CAMK2D: variants seen among roughly 807,000 people sequenced by gnomAD.
The protein encoded by CAMK2D is calcium/calmodulin-dependent protein kinase type II subunit delta.
CAMK2D carries 37 observed loss-of-function variants against 84.0 expected under a neutral mutation model. That is an observed-to-expected ratio of 0.44 (90% CI 0.34 to 0.58). The LOEUF is 0.58. CAMK2D is among the 20% of genes least tolerant of loss of function. The pLI is 0.02. For missense variants in CAMK2D, 448 were observed against 652.5 expected (o/e 0.69, Z 3.41); for synonymous variants, 202 against 212.5 (o/e 0.95, Z 0.43).
chr4:113,577,929 T>C (rs1020560632), intron 4 of CAMK2D, among the ~76,000 whole-genome samples: 25 of 152,260 alleles, frequency 1.6e-4, no homozygotes, highest in African/African-American at 5.5e-4. Context: ...ATCATATGCT[T>C]TTCCACCACT....
chr4:113,718,468 T>C (rs2099520240), intron 2 of CAMK2D, among the ~76,000 whole-genome samples: 1 of 152,104 alleles, frequency 6.6e-6, no homozygotes, highest in Admixed American at 6.6e-5. Flanking sequence ...GTCTGCAAAA[T>C]ATCTCAAACT....
intron 2 of CAMK2D, among the ~76,000 whole-genome samples, chr4:113,699,454 C>T (rs150753650): frequency 6.4e-4 from 98 of 152,236 alleles, no homozygotes; most frequent in African/African-American, 2.2e-3. Flanking sequence ...TCGGCTCTCA[C>T]AGAACATCAA....
At chr4:113,582,832 C>T (rs2098816928) in intron 4 of CAMK2D, among the ~76,000 whole-genome samples, 1 of 152,208 alleles carries the variant, frequency 6.6e-6, no homozygotes, top group South Asian at 2.1e-4. Context: ...TGAATTTAGA[C>T]CACAGCTTGC....
chr4:113,736,614 G>A (rs940095862), intron 2 of CAMK2D, among the ~76,000 whole-genome samples: 2 of 152,124 alleles, frequency 1.3e-5, no homozygotes, highest in African/African-American at 4.8e-5. Flanking sequence ...TGCAAGTCTA[G>A]GACATTGACA....
intron 3 of CAMK2D, among the ~76,000 whole-genome samples, chr4:113,624,947 A>T (rs1182759232): frequency 6.6e-6 from 1 of 152,204 alleles, no homozygotes; most frequent in African/African-American, 2.4e-5. Flanking sequence ...TAGTTATCCA[A>T]CCTTGCATTG....
chr4:113,662,852 G>A (rs1232620576), intron 2 of CAMK2D, among the ~76,000 whole-genome samples: 2 of 152,040 alleles, frequency 1.3e-5, no homozygotes, highest in East Asian at 3.9e-4. Flanking sequence ...GCACTCCCTG[G>A]GTCTGCAGAC....
intron 3 of CAMK2D, among the ~76,000 whole-genome samples, chr4:113,617,737 G>A (rs2154274437): frequency 6.6e-6 from 1 of 152,020 alleles, no homozygotes; most frequent in Admixed American, 6.6e-5. Flanking sequence ...CCTGGTTCAA[G>A]CAATCCTCCT....
At chr4:113,653,858 G>C (rs2099186981) in intron 3 of CAMK2D, among the ~76,000 whole-genome samples, 1 of 151,944 alleles carries the variant, frequency 6.6e-6, no homozygotes, top group Non-Finnish European at 1.5e-5. Flanking sequence ...GAACCTAGAA[G>C]ACAACTGCAT....
intron 2 of CAMK2D, among the ~76,000 whole-genome samples, chr4:113,696,984 C>A (rs2099404845): frequency 6.6e-6 from 1 of 152,058 alleles, no homozygotes; most frequent in South Asian, 2.1e-4. Flanking sequence ...ATAATAAGAA[C>A]TAACACTTGG....
At chr4:113,522,882 C>A (rs2098380337) in intron 8 of CAMK2D, among the ~76,000 whole-genome samples, 1 of 152,172 alleles carries the variant, frequency 6.6e-6, no homozygotes, top group South Asian at 2.1e-4. Context: ...GTTTGTACGG[C>A]TCTCAAAATT....
intron 4 of CAMK2D, among the ~76,000 whole-genome samples, chr4:113,582,436 G>A (rs11946664): frequency 0.7 from 106,802 of 152,056 alleles, 37,692 homozygotes; most frequent in Middle Eastern, 0.75. Context: ...TCTGAGTTTC[G>A]ACAAACACAT....
At chr4:113,746,852 T>C (rs2099605210) in intron 2 of CAMK2D, among the ~76,000 whole-genome samples, 1 of 151,726 alleles carries the variant, frequency 6.6e-6, no homozygotes, top group South Asian at 2.1e-4. Flanking sequence ...GGAATTAGGA[T>C]TTTTCCCAAC....
chr4:113,552,459 C>A (rs961434797), intron 4 of CAMK2D, among the ~76,000 whole-genome samples: 1 of 152,168 alleles, frequency 6.6e-6, no homozygotes, highest in African/African-American at 2.4e-5. Flanking sequence ...CACATCATAG[C>A]TATTGAGTAT....
intron 16 of CAMK2D, among the ~76,000 whole-genome samples, chr4:113,477,357 T>C (rs139212289): frequency 1.6e-4 from 25 of 152,364 alleles, no homozygotes; most frequent in African/African-American, 5.8e-4. Context: ...TAATAAAGGA[T>C]ACCTCACATT....
intron 2 of CAMK2D, among the ~76,000 whole-genome samples, chr4:113,678,880 T>C (rs1435170745): frequency 1.3e-5 from 2 of 152,128 alleles, no homozygotes; most frequent in African/African-American, 2.4e-5. Flanking sequence ...TTTCATAAAA[T>C]GAACACACAT....
At chr4:113,537,046 G>C (rs1455462588) in intron 7 of CAMK2D, among the ~76,000 whole-genome samples, 1 of 152,136 alleles carries the variant, frequency 6.6e-6, no homozygotes, top group Non-Finnish European at 1.5e-5. Flanking sequence ...CTCTTTGAAT[G>C]TTGTAATCCT....
At chr4:113,482,819 A>G (rs1314505528) in intron 16 of CAMK2D, among the ~76,000 whole-genome samples, 1 of 152,258 alleles carries the variant, frequency 6.6e-6, no homozygotes, top group Non-Finnish European at 1.5e-5. Flanking sequence ...TGAAGTAGTC[A>G]CATATATGTA....
intron 16 of CAMK2D, among the ~76,000 whole-genome samples, chr4:113,492,369 A>G (rs2097856237): frequency 6.6e-6 from 1 of 152,122 alleles, no homozygotes; most frequent in Non-Finnish European, 1.5e-5. Flanking sequence ...TTCAAAGAAC[A>G]TCTTTATTTC....
intron 4 of CAMK2D, among the ~76,000 whole-genome samples, chr4:113,605,763 G>A (rs74911555): frequency 0.062 from 9,483 of 152,196 alleles, 530 homozygotes; most frequent in East Asian, 0.2. Context: ...CAGGCATGTC[G>A]GTGGAGGCTG....
Sources: allele counts gnomAD v4.1 joint callset (sites outside exome capture counted in the v4.1 genomes callset), GRCh38; gene constraint gnomAD v4.1.1; transcripts MANE v1.5; gene names NCBI Gene and HGNC (gene_info 2026-07-23, HGNC 2026-07-21).